The following BUB1B variants were observed in gnomAD, a reference collection of about 807,000 sequenced individuals.
BUB1B encodes mitotic checkpoint serine/threonine-protein kinase BUB1 beta.
BUB1B carries 86 observed loss-of-function variants against 137.7 expected under a neutral mutation model. That is an observed-to-expected ratio of 0.62 (90% CI 0.52 to 0.75). BUB1B has a LOEUF of 0.75. Ranked by LOEUF, BUB1B falls within the 30% of genes least tolerant of loss-of-function variation. BUB1B has a pLI of 0.00. For synonymous variants in BUB1B, 420 were observed against 417.9 expected (o/e 1.00, Z -0.06); for missense variants, 1,130 against 1,236.9 (o/e 0.91, Z 1.30).
chr15:40,198,806 T>G (rs1035408556), intron 9 of BUB1B, among the ~76,000 whole-genome samples: 1 of 152,242 alleles, frequency 6.6e-6, no homozygotes, highest in East Asian at 1.9e-4. Flanking sequence ...TGCAAAACCC[T>G]GCATGGCCAA....
At position 40,217,399 on chromosome 15, in the gene BUB1B, A is replaced by G. The variant is rs2290551; in HGVS notation, c.2679-97A>G. 665,938 of 1,302,982 alleles carry G rather than the reference A, an allele frequency of 0.51. 178,237 individuals carry two copies. Among genetic ancestry groups the G allele is most frequent in the Non-Finnish European group, 0.56 (505,847 of 906,026 alleles). 80.7% of individuals were successfully genotyped at this position (1,302,982 alleles called of 1,614,324 possible). On this transcript the variant is annotated intron_variant, in intron 20 of 22. Coordinates refer to ENST00000287598, the MANE Select transcript of BUB1B (RefSeq NM_001211.6). ...ACTGGAGGGAGTTGTTGGCATAGCT[A>G]AGATGTACCCAAGGTACCTTTTTTT...
At chr15:40,178,243 C>T (rs896420881) in intron 5 of BUB1B, among the ~76,000 whole-genome samples, 6 of 151,956 alleles carry the variant, frequency 3.9e-5, no homozygotes, top group African/African-American at 7.2e-5. Context: ...AGTTGTATCC[C>T]ACAAGTTGTG....
In BUB1B at chr15:40,161,210, A is replaced by C; in HGVS notation, c.-11A>C. On this transcript the variant is annotated 5_prime_UTR_variant, in exon 1 of 23. Coordinates refer to ENST00000287598, the MANE Select transcript of BUB1B (RefSeq NM_001211.6). The stretch of plus-strand genomic sequence containing the variant: ...CTGCAGCAGGACGAGGACCTGAGCC[A>C]GGAATGCAGGATGGCGGCGGTGAAG... 1 of 1,613,400 alleles carries C rather than the reference A, an allele frequency of 6.2e-7. No individual in the cohort carries two copies. Among genetic ancestry groups the C allele is most frequent in the Non-Finnish European group, 8.5e-7 (1 of 1,179,646 alleles).
chr15:40,188,749 A>AT (rs1185504516), intron 8 of BUB1B, among the ~76,000 whole-genome samples: 7 of 151,518 alleles, frequency 4.6e-5, no homozygotes, highest in Non-Finnish European at 1.0e-4. Flanking sequence ...CGCCCAGCTA[A>AT]TTTTTGTATT....
intron 3 of BUB1B, 40 bp from the exon 4 acceptor site, chr15:40,170,497 T>C: frequency 6.2e-7 from 1 of 1,608,846 alleles, no homozygotes; most frequent in Non-Finnish European, 8.5e-7. Flanking sequence ...AAGTACATGT[T>C]CAATTTAAAA....
At chr15:40,175,068 T>C (rs2037210220) in intron 4 of BUB1B, among the ~76,000 whole-genome samples, 1 of 152,354 alleles carries the variant, frequency 6.6e-6, no homozygotes, top group Non-Finnish European at 1.5e-5. Context: ...TTGCGAATTA[T>C]TAAATTTTAG....
At position 40,200,286 on chromosome 15, in the gene BUB1B, A is replaced by T. The variant is rs780725534; in HGVS notation, c.1444A>T (p.Ile482Phe). 2 of 1,613,806 alleles carry T rather than the reference A, an allele frequency of 1.2e-6. No individual in the cohort carries two copies. The highest frequency in any genetic ancestry group is 1.7e-6 in the Non-Finnish European group (2 of 1,179,894). Reference protein sequence around the residue: ...MPTKETTKLQIASESQKIPGM... With the variant: ...MPTKETTKLQFASESQKIPGM... ...TACAAAGGAGACAACTAAACTGCAA[A>T]TTGCTTCCGAGTCTCAGAAAATACC... The change falls in exon 11 of 23, where the codon ATT (isoleucine) becomes TTT (phenylalanine). Residue 482 changes from isoleucine (I) to phenylalanine (F), a missense_variant. By Grantham distance (21) the Ile-to-Phe change is conservative. Transcript: ENST00000287598.
At position 40,170,624 on chromosome 15, in the gene BUB1B, A is replaced by G; in HGVS notation, c.327A>G (p.Leu109=). The change falls in exon 4 of 23, where the codon CTA becomes CTG. Residue 109 remains leucine, a synonymous_variant. Transcript: ENST00000287598. ...STLLERAVEA[L]QGEKRYYSDP... Reference sequence around the variant, plus strand: ...TATTAGAAAGAGCTGTAGAAGCACTACAAGGAGAAAAACGATATTATAGTG... The same window carrying G: ...TATTAGAAAGAGCTGTAGAAGCACTGCAAGGAGAAAAACGATATTATAGTG... 12 of 1,613,716 alleles carry G rather than the reference A, an allele frequency of 7.4e-6. No homozygotes were observed. Among genetic ancestry groups the G allele is most frequent in the Middle Eastern group, 1.7e-4 (1 of 6,058 alleles).
At position 40,213,474 on chromosome 15, in the gene BUB1B, G is replaced by A; in HGVS notation, c.2678G>A (p.Arg893Lys). 6.2e-7 allele frequency: 1 copy of A among 1,614,052 alleles called. No homozygotes were observed. The highest frequency in any genetic ancestry group is 8.5e-7 in the Non-Finnish European group (1 of 1,179,990). The change falls in exon 20 of 23, where the codon AGA becomes AAA. Residue 893 changes from arginine to lysine, a missense_variant and splice_region_variant. Physicochemically the swap from Arg to Lys is conservative, Grantham distance 26. Transcript: ENST00000287598. ...CCAAGGTGTCTGATTCTCAGAAACA[G>A]GTTGGTCCTTTTCATTCTTATAATT... ...LSPRCLILRN[R>K]IHDPYDCNKN...
chr15:40,190,740 A>G (rs1227155609), intron 8 of BUB1B, among the ~76,000 whole-genome samples: 1 of 152,258 alleles, frequency 6.6e-6, no homozygotes, highest in Non-Finnish European at 1.5e-5. Flanking sequence ...CTTGAACACA[A>G]GAACTGCAAT....
chr15:40,213,114 G>C (rs569089013), intron 19 of BUB1B, among the ~76,000 whole-genome samples: 9 of 152,288 alleles, frequency 5.9e-5, no homozygotes, highest in African/African-American at 2.2e-4. Flanking sequence ...CCAGGCTCAT[G>C]CTTGATGCCC....
At chr15:40,196,520 A>G in intron 8 of BUB1B, 25 bp from the exon 9 acceptor site, 1 of 1,568,876 alleles carries the variant, frequency 6.4e-7, no homozygotes. Context: ...GACCCATATG[A>G]ATAATAGTAA....
intron 18 of BUB1B, among the ~76,000 whole-genome samples, chr15:40,210,626 C>T (rs770462167): frequency 3.9e-5 from 6 of 152,132 alleles, no homozygotes; most frequent in Non-Finnish European, 8.8e-5. Context: ...CCTCCCACCT[C>T]AGCCTCTGGA....
At chr15:40,161,339 GAGGGGGAGA>G in intron 1 of BUB1B, 84 bp downstream of exon 1, 1 of 1,489,690 alleles carries the variant, frequency 6.7e-7, no homozygotes, top group Non-Finnish European at 9.1e-7. Flanking sequence ...CGGAGCAGTC[GAGGGGGAGA>G]TCGGCACCGT....
intron 9 of BUB1B, among the ~76,000 whole-genome samples, chr15:40,198,784 T>C (rs886897922): frequency 1.3e-5 from 2 of 152,124 alleles, no homozygotes; most frequent in Admixed American, 6.6e-5. Flanking sequence ...TCTATGCCTC[T>C]TTACCCTAAC....
At chr15:40,166,900 CA>C (rs1312611805) in intron 2 of BUB1B, among the ~76,000 whole-genome samples, 2 of 152,024 alleles carry the variant, frequency 1.3e-5, no homozygotes, top group Non-Finnish European at 1.5e-5. Context: ...AACGTTTTTT[CA>C]CATGCTTTTT....
chr15:40,200,481 C>G (rs2037553871), intron 11 of BUB1B, 122 bp downstream of exon 11: 1 of 711,052 alleles, frequency 1.4e-6, no homozygotes, highest in Non-Finnish European at 2.4e-6. Flanking sequence ...TTTTGTAAGT[C>G]TCTGTCACAA....
At chr15:40,162,726 G>A (rs936495801) in intron 1 of BUB1B, among the ~76,000 whole-genome samples, 1 of 152,190 alleles carries the variant, frequency 6.6e-6, no homozygotes, top group African/African-American at 2.4e-5. Flanking sequence ...GGGAGGAGCA[G>A]GTCTGGGAGG....
chr15:40,208,789 T>C lies in BUB1B; in HGVS notation c.2143+19T>C, dbSNP rs777225148. The C allele has an allele frequency of 3.1e-6, 5 of 1,597,358 alleles. No homozygotes were observed. The South Asian group carries it at 3.3e-5, about 11-fold the overall frequency. On this transcript the variant is annotated intron_variant, in intron 16 of 22. Transcript: ENST00000287598. The stretch of plus-strand genomic sequence containing the variant: ...ACTTCAGGTAGGATATACATACCAC[T>C]ATATCCATGCCTAGTGAACACTTGT...
Sources: gnomAD v4.1 joint callset for allele counts (sites outside exome capture counted in the v4.1 genomes callset) on GRCh38, gnomAD v4.1.1 for gene constraint, MANE v1.5 for transcripts, NCBI Gene and HGNC (gene_info 2026-07-23, HGNC 2026-07-21) for gene names.